Variants in MYT1L observed in about 807,000 individuals in gnomAD.
MYT1L encodes myelin transcription factor 1-like protein.
In MYT1L, 12 loss-of-function variants were observed where a neutral mutation model predicts 126.7. The ratio of observed to expected loss-of-function variants is 0.09; its 90% CI spans 0.06 to 0.15. The LOEUF (loss-of-function observed/expected upper bound fraction) is 0.15, where lower values mean the gene tolerates loss of function less well. MYT1L is among the 10% of genes least tolerant of loss of function. The pLI is 1.00. For synonymous variants in MYT1L, 541 were observed against 604.2 expected, an observed-to-expected ratio of 0.90 and a Z score of 1.53; for missense variants, 979 against 1,585.2, an observed-to-expected ratio of 0.62 and a Z score of 6.49.
rs187987581 is a variant in MYT1L at position 2,283,001 on chromosome 2, G to C, written c.-421+1403C>G. On this transcript the variant is annotated intron_variant, in intron 2 of 24. Transcript: ENST00000647738. ...GAGGCAGGAGAATACCTTGAACCCCGGAGGGAGAGGTTACGGTGAGCCAAG... is the reference window on the plus strand; with the variant it reads ...GAGGCAGGAGAATACCTTGAACCCCCGAGGGAGAGGTTACGGTGAGCCAAG... 3.3e-5 allele frequency among the ~76,000 whole-genome samples: 5 copies of C among 152,314 alleles called. No homozygotes were observed. In the East Asian group the frequency reaches 9.7e-4, roughly 29 times the overall value.
intron 3 of MYT1L, among the ~76,000 whole-genome samples, chr2:2,131,234 A>G (rs1256814209): frequency 6.6e-6 from 1 of 152,192 alleles, no homozygotes; most frequent in Non-Finnish European, 1.5e-5. Flanking sequence ...GAAGGGGTCA[A>G]TCCATCCACA....
At chr2:1,809,477 T>C (rs1212129772) in intron 21 of MYT1L, among the ~76,000 whole-genome samples, 1 of 152,196 alleles carries the variant, frequency 6.6e-6, no homozygotes, top group Non-Finnish European at 1.5e-5. Context: ...ATTGTATAAC[T>C]TTCAGAGCTT....
At chr2:2,272,242 C>T (rs1046411371) in intron 2 of MYT1L, among the ~76,000 whole-genome samples, 1 of 152,168 alleles carries the variant, frequency 6.6e-6, no homozygotes. Context: ...TATTGCCCAG[C>T]TCTCTTCCCA....
chr2:2,320,321 G>A (rs572647868), intron 1 of MYT1L, among the ~76,000 whole-genome samples: 1 of 152,120 alleles, frequency 6.6e-6, no homozygotes, highest in South Asian at 2.1e-4. Flanking sequence ...ACTTTCTTTA[G>A]TGTGCTTTGT....
intron 5 of MYT1L, among the ~76,000 whole-genome samples, chr2:1,992,620 G>C (rs1310911749): frequency 6.6e-6 from 1 of 152,214 alleles, no homozygotes; most frequent in Non-Finnish European, 1.5e-5. Context: ...AAAGAGATCT[G>C]ACTTAACCCA....
At chr2:1,892,352 G>T (rs1232719624) in intron 14 of MYT1L, 65 bp from the exon 15 acceptor site, 8 of 1,507,368 alleles carry the variant, frequency 5.3e-6, no homozygotes, top group Admixed American at 2.1e-5. Context: ...ACAGCACACG[G>T]CAGGGCCTGC....
chr2:1,868,832 A>G (rs1558218234), intron 18 of MYT1L, among the ~76,000 whole-genome samples: 1 of 152,210 alleles, frequency 6.6e-6, no homozygotes, highest in Non-Finnish European at 1.5e-5. Flanking sequence ...AGCCTGGATC[A>G]GCTCCTTGAC....
At chr2:2,329,093 C>G (rs779064583) in intron 1 of MYT1L, among the ~76,000 whole-genome samples, 5 of 152,214 alleles carry the variant, frequency 3.3e-5, no homozygotes, top group Non-Finnish European at 5.9e-5. Context: ...AGCCTGCTCA[C>G]AATAGCTCAC....
intron 9 of MYT1L, among the ~76,000 whole-genome samples, chr2:1,940,210 C>G (rs1047882156): frequency 6.7e-6 from 1 of 150,182 alleles, no homozygotes; most frequent in African/African-American, 2.5e-5. Context: ...TGTGGCTGCA[C>G]CCTGCCAGGA....
chr2:2,200,987 CT>C (rs1424847203), intron 2 of MYT1L, among the ~76,000 whole-genome samples: 8 of 152,190 alleles, frequency 5.3e-5, no homozygotes, highest in African/African-American at 1.7e-4. Flanking sequence ...GCACATTAAT[CT>C]TTACTCAGTA....
At chr2:1,920,927 T>A (rs1295947280) in intron 10 of MYT1L, among the ~76,000 whole-genome samples, 31 of 152,256 alleles carry the variant, frequency 2.0e-4, no homozygotes, top group Non-Finnish European at 1.5e-5. Flanking sequence ...TGAAACGCTG[T>A]CTGTGCCCAG....
chr2:2,244,806 C>T (rs2094502596), intron 2 of MYT1L, among the ~76,000 whole-genome samples: 1 of 152,226 alleles, frequency 6.6e-6, no homozygotes, highest in Non-Finnish European at 1.5e-5. Context: ...CTCCAGCCAG[C>T]AGTCCAGGTT....
rs184510935 is a variant in MYT1L, at chr2:2,078,007, G to A, written c.-303-23884C>T. 2.0e-3 allele frequency among the ~76,000 whole-genome samples: 298 copies of A among 152,248 alleles called. 1 individual carries two copies. The highest frequency in any genetic ancestry group is 6.9e-3 in the African/African-American group (285 of 41,544). On this transcript the variant is annotated intron_variant, in intron 3 of 24. Coordinates refer to ENST00000647738, the MANE Select transcript of MYT1L (RefSeq NM_001303052.2). ...ATAAAACTGTGCTAATAGCTTATAAGGTATAAAGAAGTAATTTGTATAGCA... is the reference window on the plus strand; with the variant it reads ...ATAAAACTGTGCTAATAGCTTATAAAGTATAAAGAAGTAATTTGTATAGCA...
At chr2:2,222,631 C>A (rs1054996319) in intron 2 of MYT1L, among the ~76,000 whole-genome samples, 1 of 151,678 alleles carries the variant, frequency 6.6e-6, no homozygotes, top group Non-Finnish European at 1.5e-5. Context: ...CCTTTTTTGG[C>A]CATATTATCA....
At position 2,224,813 on chromosome 2, in the gene MYT1L, C is replaced by T. The variant is rs1252286589; in HGVS notation, c.-420-51825G>A. ...CAGCCTGGGCAACAGAGCAAGACTC[C>T]GTCTCAAAAGAAAAAAAAAAAAAGG... is the stretch of plus-strand genomic sequence containing the variant. On this transcript the variant is annotated intron_variant, in intron 2 of 24. Transcript: ENST00000647738. This position sits in a 1 kb window ranked among gnomAD's most constrained non-coding sequence, Gnocchi z 4.0. Among the ~76,000 whole-genome samples the T allele has an allele frequency of 3.1e-5, 4 of 128,536 alleles. No individual in the cohort carries two copies. Among genetic ancestry groups the T allele is most frequent in the East Asian group, 2.4e-4 (1 of 4,208 alleles). The allele number at this position is 128,536 out of a possible 152,430, so 84.3% of individuals were successfully genotyped here. A position where few individuals can be genotyped will look rare whatever the true frequency, so the allele number is the denominator to read the frequency against.
At chr2:2,232,586 T>C (rs1468354868) in intron 2 of MYT1L, among the ~76,000 whole-genome samples, 1 of 152,242 alleles carries the variant, frequency 6.6e-6, no homozygotes, top group Non-Finnish European at 1.5e-5. Flanking sequence ...ATGTTATTCC[T>C]GTGCCCAGAG....
chr2:1,825,634 A>G (rs941197866), intron 21 of MYT1L: 1 of 152,192 alleles, frequency 6.6e-6, no homozygotes, highest in Non-Finnish European at 1.5e-5. Flanking sequence ...CAGGTTCCCC[A>G]TCTCTTTATT....
intron 1 of MYT1L, among the ~76,000 whole-genome samples, chr2:2,288,676 A>T (rs1319976693): frequency 1.3e-5 from 2 of 152,214 alleles, no homozygotes; most frequent in Non-Finnish European, 2.9e-5. Context: ...TTTACTGGAA[A>T]ATGTAATATC....
At chr2:2,297,543 A>G (rs1279747610) in intron 1 of MYT1L, among the ~76,000 whole-genome samples, 1 of 152,296 alleles carries the variant, frequency 6.6e-6, no homozygotes, top group South Asian at 2.1e-4. Context: ...TATTTCATAC[A>G]TAAAACCCCC....
Sources: gnomAD v4.1 joint callset for allele counts (sites outside exome capture counted in the v4.1 genomes callset) on GRCh38, gnomAD v4.1.1 for gene constraint, Gnocchi (gnomAD v3.1) non-coding constraint, MANE v1.5 for transcripts, NCBI Gene and HGNC (gene_info 2026-07-23, HGNC 2026-07-21) for gene names.